SULT2A1: variants seen among roughly 807,000 people sequenced by gnomAD.
SULT2A1 encodes the protein sulfotransferase 2A1.
A neutral mutation model predicts 33.9 loss-of-function variants in SULT2A1; 43 were observed. The ratio of observed to expected loss-of-function variants is 1.27; its 90% CI spans 1.00 to 1.64. The LOEUF (loss-of-function observed/expected upper bound fraction) is 1.64. SULT2A1 is among the 40% of genes most tolerant of loss of function. The pLI is 0.00. For synonymous variants in SULT2A1, 125 were observed against 113.6 expected, an observed-to-expected ratio of 1.10 and a Z score of -0.64; for missense variants, 300 against 335.1, an observed-to-expected ratio of 0.90 and a Z score of 0.82.
chr19:47,885,594 T>C (rs1177576272), intron 1 of SULT2A1, among the ~76,000 whole-genome samples: 2 of 152,138 alleles, frequency 1.3e-5, no homozygotes, highest in Non-Finnish European at 2.9e-5. Flanking sequence ...ACTTCCAATG[T>C]CTTCAGCCTC....
At chr19:47,879,940 TA>T (rs58296429) in intron 3 of SULT2A1, among the ~76,000 whole-genome samples, 128,653 of 150,180 alleles carry the variant, frequency 0.86, 55,209 homozygotes, top group East Asian at 1. Flanking sequence ...TAAAAAAAAT[TA>T]AAAAAAAAAC....
rs11569680 is a variant in SULT2A1 at position 47,874,723 on chromosome 19, T to C, written c.679A>G (p.Lys227Glu). The change falls in exon 5 of 6, where the codon AAG (lysine) becomes GAG (glutamate). Residue 227 changes from lysine (K) to glutamate (E), a missense_variant. Transcript: ENST00000222002. ...CTCAGGAGGGAATAATTGGACATCTTGTTTTCTTTCATGCTCTGAAAGGAG... is the reference window on the plus strand; with the variant it reads ...CTCAGGAGGGAATAATTGGACATCTCGTTTTCTTTCATGCTCTGAAAGGAG... ...NSSFQSMKEN[K>E]MSNYSLLSVD... 590 of 1,614,176 alleles carry C rather than the reference T, an allele frequency of 3.7e-4. 1 individual carries two copies. The African/African-American group carries it at 7.3e-3, about 20-fold the overall frequency.
intron 1 of SULT2A1, among the ~76,000 whole-genome samples, chr19:47,885,030 C>A (rs534433371): frequency 6.6e-6 from 1 of 151,998 alleles, no homozygotes; most frequent in Non-Finnish European, 1.5e-5. Context: ...AGGCTGGTGT[C>A]GAACTCCTGA....
intron 2 of SULT2A1, among the ~76,000 whole-genome samples, chr19:47,882,877 A>G (rs1968616395): frequency 6.6e-6 from 1 of 151,984 alleles, no homozygotes; most frequent in African/African-American, 2.4e-5. Flanking sequence ...GATCGCACCA[A>G]TGCACTCCAG....
intron 1 of SULT2A1, among the ~76,000 whole-genome samples, chr19:47,884,942 G>A (rs1968641612): frequency 6.7e-6 from 1 of 150,236 alleles, no homozygotes; most frequent in Non-Finnish European, 1.5e-5. Flanking sequence ...CTCCCGAGTA[G>A]CTGGAACTAC....
chr19:47,876,303 A>G (rs1321091612), intron 4 of SULT2A1, among the ~76,000 whole-genome samples: 1 of 152,194 alleles, frequency 6.6e-6, no homozygotes, highest in Admixed American at 6.5e-5. Context: ...GATGTGAACC[A>G]CCGCACCTGG....
intron 3 of SULT2A1, 138 bp downstream of exon 3, chr19:47,881,946 G>T (rs570881351): frequency 9.0e-7 from 1 of 1,105,804 alleles, no homozygotes; most frequent in Non-Finnish European, 1.3e-6. Context: ...GAGAGTAAGC[G>T]AACTTAGCAG....
At chr19:47,885,311 A>G (rs1476577670) in intron 1 of SULT2A1, among the ~76,000 whole-genome samples, 1 of 152,152 alleles carries the variant, frequency 6.6e-6, no homozygotes, top group Non-Finnish European at 1.5e-5. Context: ...TGATGACTCC[A>G]GGTACCTTAT....
Position 47,874,829 on chromosome 19 carries a change from T to C in SULT2A1, c.573A>G (p.Thr191=), listed in dbSNP as rs139701933. 1.9e-6 allele frequency: 3 copies of C among 1,612,644 alleles called. No individual in the cohort carries two copies. Among genetic ancestry groups the C allele is most frequent in the Admixed American group, 1.7e-5 (1 of 59,594 alleles). ...LLSYEELKQD[T]GRTIEKICQF... ...GACAGATCTTCTCTATGGTTCTTCC[T>C]GTGTCCTAAAAAAGAAAAATCAAGA... The change falls in exon 5 of 6, where the codon ACA becomes ACG. Residue 191 remains threonine (T), a synonymous_variant. Transcript: ENST00000222002.
At chr19:47,878,232 A>G (rs1968566517) in intron 4 of SULT2A1, among the ~76,000 whole-genome samples, 1 of 152,196 alleles carries the variant, frequency 6.6e-6, no homozygotes, top group African/African-American at 2.4e-5. Context: ...GCTGGAGTGC[A>G]GTGGTGTGAT....
chr19:47,878,373 C>A (rs1210730246), intron 4 of SULT2A1, among the ~76,000 whole-genome samples: 2 of 151,586 alleles, frequency 1.3e-5, no homozygotes, highest in Non-Finnish European at 2.9e-5. Flanking sequence ...AGACTGGAGT[C>A]TTGCTGTTTC....
At chr19:47,880,094 G>A (rs947355175) in intron 3 of SULT2A1, among the ~76,000 whole-genome samples, 1 of 151,708 alleles carries the variant, frequency 6.6e-6, no homozygotes, top group African/African-American at 2.4e-5. Flanking sequence ...AAAATTAGCC[G>A]GGTGTGATGG....
intron 2 of SULT2A1, 103 bp downstream of exon 2, chr19:47,883,474 C>T: frequency 1.7e-6 from 2 of 1,155,168 alleles, no homozygotes; most frequent in Non-Finnish European, 1.3e-6. Flanking sequence ...CAACACAGAC[C>T]TGTTGAAGGA....
Position 47,882,095 on chromosome 19 carries a change from C to T in SULT2A1, c.461G>A (p.Cys154Tyr). 6.2e-7 allele frequency: 1 copy of T among 1,613,670 alleles called. No homozygotes were observed. Residue 154 changes from cysteine (C) to tyrosine (Y), a missense_variant, in exon 3 of 6, where the codon TGT becomes TAT. Transcript: ENST00000222002. Reference protein sequence around the residue: ...KSWEEYFEWFCQGTVLYGSWF... With the variant: ...KSWEEYFEWFYQGTVLYGSWF... ...TGTGAAACACTCACCAGTTCCTTGA[C>T]AAAACCATTCAAAATATTCTTCCCA...
At chr19:47,880,562 CATTATTATTATTATT>C (rs66892249) in intron 3 of SULT2A1, among the ~76,000 whole-genome samples, 68,848 of 146,432 alleles carry the variant, frequency 0.47, 16,448 homozygotes, top group East Asian at 0.66. Context: ...GTATGGAATA[CATTATTATTATTATT>C]ATTATTATTA....
At chr19:47,884,140 C>T (rs549758624) in intron 1 of SULT2A1, among the ~76,000 whole-genome samples, 4 of 148,454 alleles carry the variant, frequency 2.7e-5, no homozygotes, top group Non-Finnish European at 5.9e-5. Context: ...AAAAAAAGTA[C>T]CATCTCAACC....
intron 1 of SULT2A1, among the ~76,000 whole-genome samples, chr19:47,884,476 CTTT>C (rs71181610): frequency 0.93 from 110,967 of 119,064 alleles, 51,991 homozygotes; most frequent in Middle Eastern, 0.98. Flanking sequence ...CTGCGCCTGG[CTTT>C]TTTTTTTTTT....
At position 47,871,461 on chromosome 19, in the gene SULT2A1, C is replaced by T; in HGVS notation, c.852G>A (p.Trp284Ter). 1 of 1,612,854 alleles carries T rather than the reference C, an allele frequency of 6.2e-7. No individual in the cohort carries two copies. Among genetic ancestry groups the T allele is most frequent in the Admixed American group, 1.7e-5 (1 of 59,984 alleles). Reference sequence around the variant, plus strand: ...ATCCAGAGTGTTTTGGACGTTATTCCCATGGGAACAGCTCTCGAGGAAGAT... The same window carrying T: ...ATCCAGAGTGTTTTGGACGTTATTCTCATGGGAACAGCTCTCGAGGAAGAT... ...MADLPRELFP[W>*]E Residue 284 changes from tryptophan to a stop codon, truncating the protein, a stop_gained, in exon 6 of 6, where the codon TGG (tryptophan) becomes TGA (stop). Transcript: ENST00000222002. LOFTEE classifies it high-confidence loss of function.
intron 4 of SULT2A1, 41 bp downstream of exon 4, chr19:47,878,995 G>A (rs1968575629): frequency 8.3e-7 from 1 of 1,203,472 alleles, no homozygotes; most frequent in East Asian, 2.3e-5. Flanking sequence ...TAAGGATGGT[G>A]GTGAGAGGGT....
Sources: gnomAD v4.1 joint callset for allele counts (sites outside exome capture counted in the v4.1 genomes callset) on GRCh38, gnomAD v4.1.1 for gene constraint, MANE v1.5 for transcripts, NCBI Gene and HGNC (gene_info 2026-07-23, HGNC 2026-07-21) for gene names.